The following XPR1 variants were observed in gnomAD, a reference collection of about 807,000 sequenced individuals.
The protein encoded by XPR1 is solute carrier family 53 member 1.
A neutral mutation model predicts 87.5 loss-of-function variants in XPR1; 28 were observed. The ratio of observed to expected loss-of-function variants is 0.32; its 90% CI spans 0.24 to 0.44. XPR1 has a LOEUF of 0.44. Among genes scored for constraint, XPR1 ranks in the 20% least tolerant of loss-of-function variants. The probability of loss-of-function intolerance (pLI) is 1.00; values close to 1 mark genes in which losing one functional copy is unlikely to be tolerated. For synonymous variants in XPR1, 300 were observed against 306.1 expected, an observed-to-expected ratio of 0.98 and a Z score of 0.21; for missense variants, 559 against 862.3, an observed-to-expected ratio of 0.65 and a Z score of 4.41.
intron 11 of XPR1, 78 bp from the exon 12 acceptor site, chr1:180,863,630 T>C: frequency 1.5e-6 from 2 of 1,320,716 alleles, no homozygotes; most frequent in Non-Finnish European, 2.0e-6. Context: ...AAGAATCTGT[T>C]TTAATTAGTG....
At chr1:180,762,192 A>G (rs1317417345) in intron 2 of XPR1, among the ~76,000 whole-genome samples, 1 of 151,964 alleles carries the variant, frequency 6.6e-6, no homozygotes, top group Non-Finnish European at 1.5e-5. Flanking sequence ...TAATGGGTGC[A>G]GCACACCAAC....
intron 3 of XPR1, among the ~76,000 whole-genome samples, chr1:180,790,015 C>G (rs1649315143): frequency 6.6e-6 from 1 of 152,112 alleles, no homozygotes; most frequent in Admixed American, 6.5e-5. Flanking sequence ...CCAGAATTCT[C>G]TAACCCCACC....
chr1:180,743,353 CTATT>C (rs1571789690), intron 2 of XPR1, among the ~76,000 whole-genome samples: 1 of 151,758 alleles, frequency 6.6e-6, no homozygotes, highest in South Asian at 2.1e-4. Flanking sequence ...TTTAAACAGT[CTATT>C]TAGGATTAAT....
At chr1:180,719,820 AC>A (rs1557973233) in intron 2 of XPR1, among the ~76,000 whole-genome samples, 1 of 152,194 alleles carries the variant, frequency 6.6e-6, no homozygotes, top group East Asian at 1.9e-4. Context: ...CCTTACATAA[AC>A]TGTTCAGTCA....
intron 2 of XPR1, among the ~76,000 whole-genome samples, chr1:180,695,460 G>A (rs10914068): frequency 0.045 from 6,527 of 145,822 alleles, 500 homozygotes; most frequent in African/African-American, 0.15. Flanking sequence ...GCACGCGCGC[G>A]CTTTTGTTGC....
At chr1:180,772,457 G>A (rs377523942) in intron 2 of XPR1, among the ~76,000 whole-genome samples, 3 of 152,206 alleles carry the variant, frequency 2.0e-5, no homozygotes, top group East Asian at 1.9e-4. Context: ...ACCAGCAGAG[G>A]AGCTAAGAAA....
intron 3 of XPR1, among the ~76,000 whole-genome samples, chr1:180,790,664 C>T (rs1383505145): frequency 1.3e-5 from 2 of 152,016 alleles, no homozygotes; most frequent in East Asian, 1.9e-4. Flanking sequence ...CTCAGCCTCC[C>T]GAGTAGCTGG....
intron 1 of XPR1, among the ~76,000 whole-genome samples, chr1:180,668,233 A>G (rs907527656): frequency 4.9e-5 from 7 of 144,108 alleles, no homozygotes; most frequent in Non-Finnish European, 7.4e-5. Context: ...GGCTCAAGTG[A>G]TTCACCTGCC....
At chr1:180,739,767 G>T (rs1266217782) in intron 2 of XPR1, among the ~76,000 whole-genome samples, 1 of 151,980 alleles carries the variant, frequency 6.6e-6, no homozygotes, top group Admixed American at 6.5e-5. Context: ...TCCAGACAGG[G>T]TCTCACTATG....
At chr1:180,877,887 C>T (rs1652712318) in intron 13 of XPR1, 1 of 148,998 alleles carries the variant, frequency 6.7e-6, no homozygotes, top group Non-Finnish European at 1.5e-5. Context: ...AGATATCTTT[C>T]ACAAATAAGA....
intron 2 of XPR1, among the ~76,000 whole-genome samples, chr1:180,731,563 A>G (rs1027994062): frequency 6.6e-6 from 1 of 152,210 alleles, no homozygotes; most frequent in Non-Finnish European, 1.5e-5. Flanking sequence ...ACAAGTGTCA[A>G]GCTTTAACAG....
At chr1:180,744,852 C>CGT (rs1438398795) in intron 2 of XPR1, among the ~76,000 whole-genome samples, 6 of 151,598 alleles carry the variant, frequency 4.0e-5, no homozygotes, top group Admixed American at 1.3e-4. Flanking sequence ...GGGGTTTCAC[C>CGT]GTGTTAGCCA....
intron 3 of XPR1, among the ~76,000 whole-genome samples, chr1:180,800,826 C>T (rs935991977): frequency 6.6e-6 from 1 of 152,100 alleles, no homozygotes; most frequent in Non-Finnish European, 1.5e-5. Flanking sequence ...AGGAACCACC[C>T]GAAAGCAAGG....
chr1:180,845,656 G>T (rs1457076657), intron 11 of XPR1, among the ~76,000 whole-genome samples: 1 of 152,142 alleles, frequency 6.6e-6, no homozygotes, highest in African/African-American at 2.4e-5. Context: ...GAGTAGCTGG[G>T]ACTACAGGGT....
At chr1:180,754,018 A>G (rs1320205097) in intron 2 of XPR1, among the ~76,000 whole-genome samples, 1 of 152,206 alleles carries the variant, frequency 6.6e-6, no homozygotes. Flanking sequence ...TCTCAGGTCA[A>G]ATGCCACCTT....
chr1:180,778,271 A>G (rs1648800821), intron 2 of XPR1, among the ~76,000 whole-genome samples: 1 of 152,184 alleles, frequency 6.6e-6, no homozygotes, highest in African/African-American at 2.4e-5. Context: ...GGCATGAGCC[A>G]CCACACCTGA....
At chr1:180,806,303 T>G (rs1004373607) in intron 5 of XPR1, 92 bp downstream of exon 5, 4 of 1,547,530 alleles carry the variant, frequency 2.6e-6, no homozygotes, top group Non-Finnish European at 3.5e-6. Flanking sequence ...TTGTAACTAG[T>G]TGCTAGCTTT....
chr1:180,687,371 C>G (rs1355853519), intron 2 of XPR1, among the ~76,000 whole-genome samples: 2 of 152,056 alleles, frequency 1.3e-5, no homozygotes, highest in Admixed American at 1.3e-4. Flanking sequence ...CTTTCATTAT[C>G]CAGAGACATT....
intron 1 of XPR1, among the ~76,000 whole-genome samples, chr1:180,658,282 T>C (rs1337929230): frequency 3.9e-5 from 6 of 152,344 alleles, no homozygotes; most frequent in Non-Finnish European, 8.8e-5. Context: ...CCTTTATTTC[T>C]TTCTCTTGTC....
Sources: allele counts gnomAD v4.1 joint callset (sites outside exome capture counted in the v4.1 genomes callset), GRCh38; gene constraint gnomAD v4.1.1; transcripts MANE v1.5; gene names NCBI Gene and HGNC (gene_info 2026-07-23, HGNC 2026-07-21).